The following SPATA16 variants were observed in gnomAD, a reference collection of about 807,000 sequenced individuals.
SPATA16 encodes spermatogenesis associated 16.
Under a neutral mutation model 63.3 loss-of-function variants are expected in SPATA16, and 36 were observed. That is an observed-to-expected ratio of 0.57 (90% CI 0.44 to 0.75). SPATA16 has a LOEUF of 0.75. Ranked by LOEUF, SPATA16 falls within the 30% of genes least tolerant of loss-of-function variation. The probability of loss-of-function intolerance (pLI) is 0.00; values close to 1 mark genes in which losing one functional copy is unlikely to be tolerated. For synonymous variants in SPATA16, 203 were observed against 216.7 expected (o/e 0.94, Z 0.56); for missense variants, 646 against 679.3 (o/e 0.95, Z 0.54).
At chr3:172,979,626 C>T (rs1335176537) in intron 4 of SPATA16, among the ~76,000 whole-genome samples, 4 of 152,054 alleles carry the variant, frequency 2.6e-5, no homozygotes, top group South Asian at 2.1e-4. Flanking sequence ...GAATTTTTAG[C>T]GCTTTTATTA....
intron 2 of SPATA16, among the ~76,000 whole-genome samples, chr3:173,085,459 CAG>C (rs1263679506): frequency 6.6e-6 from 1 of 152,056 alleles, no homozygotes; most frequent in African/African-American, 2.4e-5. Context: ...CATCTGTAAA[CAG>C]AGACAATTTG....
At chr3:173,066,388 C>T (rs373832623) in intron 2 of SPATA16, among the ~76,000 whole-genome samples, 120 of 152,314 alleles carry the variant, frequency 7.9e-4, no homozygotes, top group Middle Eastern at 3.4e-3. Flanking sequence ...AGATGTGACC[C>T]CACACAGTGT....
intron 10 of SPATA16, among the ~76,000 whole-genome samples, chr3:172,909,115 G>A (rs1027154248): frequency 2.0e-5 from 3 of 152,186 alleles, no homozygotes; most frequent in African/African-American, 7.2e-5. Context: ...TAGATACCCA[G>A]TGGTTGGGTA....
intron 3 of SPATA16, among the ~76,000 whole-genome samples, chr3:173,044,577 T>A (rs1169379076): frequency 6.6e-6 from 1 of 152,236 alleles, no homozygotes; most frequent in East Asian, 1.9e-4. Context: ...TACATCTGGG[T>A]CTCGAAGATC....
At chr3:172,947,070 C>T (rs1294211805) in intron 6 of SPATA16, among the ~76,000 whole-genome samples, 2 of 152,142 alleles carry the variant, frequency 1.3e-5, no homozygotes, top group African/African-American at 2.4e-5. Flanking sequence ...AGGGAATGCT[C>T]CTGGATTTTA....
intron 2 of SPATA16, among the ~76,000 whole-genome samples, chr3:173,068,615 G>T (rs562504830): frequency 6.6e-6 from 1 of 151,914 alleles, no homozygotes; most frequent in Non-Finnish European, 1.5e-5. Context: ...AAACTTAAAA[G>T]AAAATTGAAA....
At chr3:173,031,854 A>G (rs1193155149) in intron 3 of SPATA16, among the ~76,000 whole-genome samples, 3 of 152,126 alleles carry the variant, frequency 2.0e-5, no homozygotes, top group Non-Finnish European at 4.4e-5. Context: ...GATAATCAAG[A>G]TAGAAAAATG....
At chr3:172,898,888 C>A (rs1431206064) in intron 10 of SPATA16, among the ~76,000 whole-genome samples, 1 of 151,632 alleles carries the variant, frequency 6.6e-6, no homozygotes, top group African/African-American at 2.4e-5. Flanking sequence ...ACCTGTATCC[C>A]ACAAATTTTG....
At chr3:173,090,346 A>G (rs1469361226) in intron 2 of SPATA16, among the ~76,000 whole-genome samples, 1 of 152,120 alleles carries the variant, frequency 6.6e-6, no homozygotes, top group Non-Finnish European at 1.5e-5. Flanking sequence ...AGGCTTCCCC[A>G]GAAGCCAATG....
chr3:172,911,126 C>T (rs922284780), intron 10 of SPATA16, among the ~76,000 whole-genome samples: 1 of 152,190 alleles, frequency 6.6e-6, no homozygotes, highest in Non-Finnish European at 1.5e-5. Flanking sequence ...CTTTAGGGTT[C>T]CTGGGAGTAT....
At chr3:172,998,241 T>A (rs1418700030) in intron 4 of SPATA16, among the ~76,000 whole-genome samples, 1 of 152,112 alleles carries the variant, frequency 6.6e-6, no homozygotes, top group Non-Finnish European at 1.5e-5. Flanking sequence ...CTCATATAGA[T>A]CTTGTACATA....
In SPATA16 at chr3:173,129,810, C is replaced by T. The variant is rs114948225; in HGVS notation, c.-19+11293G>A. Among the ~76,000 whole-genome samples, 1,385 of 152,206 alleles carry T rather than the reference C, an allele frequency of 9.1e-3. 15 individuals are homozygous for T. The highest frequency in any genetic ancestry group is 0.031 in the African/African-American group (1,308 of 41,532). ...CTGTACAATTGGGGAACACCTATCA[C>T]AAACAGGGATGGCTGACCTACCTTC... On this transcript the variant is annotated intron_variant, in intron 1 of 10. Transcript: ENST00000351008.
At chr3:173,044,336 C>A (rs986822341) in intron 3 of SPATA16, among the ~76,000 whole-genome samples, 1 of 152,070 alleles carries the variant, frequency 6.6e-6, no homozygotes, top group African/African-American at 2.4e-5. Context: ...GATTTGTCTT[C>A]AACTTCACTA....
At chr3:173,092,278 A>C (rs1207221807) in intron 2 of SPATA16, among the ~76,000 whole-genome samples, 1 of 152,168 alleles carries the variant, frequency 6.6e-6, no homozygotes, top group Admixed American at 6.6e-5. Context: ...ACAGTTCTTG[A>C]CAAGCCAGTA....
intron 5 of SPATA16, among the ~76,000 whole-genome samples, chr3:172,973,337 T>C (rs1050307247): frequency 3.9e-5 from 6 of 152,166 alleles, no homozygotes; most frequent in African/African-American, 7.2e-5. Context: ...GAGGGGTCTA[T>C]AGCTCAAAAA....
At chr3:173,101,939 C>T (rs1376058189) in intron 2 of SPATA16, among the ~76,000 whole-genome samples, 3 of 152,212 alleles carry the variant, frequency 2.0e-5, no homozygotes, top group Non-Finnish European at 2.9e-5. Flanking sequence ...TGTAACCACC[C>T]TGTCATCATT....
chr3:172,976,531 T>C (rs1048033255), intron 5 of SPATA16, among the ~76,000 whole-genome samples: 7 of 152,116 alleles, frequency 4.6e-5, no homozygotes, highest in African/African-American at 7.2e-5. Flanking sequence ...TTGATATTGG[T>C]TAAGTGTTTC....
intron 1 of SPATA16, among the ~76,000 whole-genome samples, chr3:173,119,133 C>T (rs1370768127): frequency 6.6e-6 from 1 of 151,868 alleles, no homozygotes; most frequent in Non-Finnish European, 1.5e-5. Flanking sequence ...GGGAGGGGAA[C>T]ATCACCTACT....
At chr3:173,002,747 C>T (rs955933798) in intron 4 of SPATA16, among the ~76,000 whole-genome samples, 3 of 152,052 alleles carry the variant, frequency 2.0e-5, no homozygotes, top group African/African-American at 4.8e-5. Context: ...AGCATACAGA[C>T]AAAAGATCAA....
Sources: gnomAD v4.1 joint callset for allele counts (sites outside exome capture counted in the v4.1 genomes callset) on GRCh38, gnomAD v4.1.1 for gene constraint, MANE v1.5 for transcripts, NCBI Gene and HGNC (gene_info 2026-07-23, HGNC 2026-07-21) for gene names.